Variants in IGF2R observed in about 807,000 individuals in gnomAD.
IGF2R encodes insulin like growth factor 2 receptor.
A neutral mutation model predicts 270.6 loss-of-function variants in IGF2R; 91 were observed. The observed-to-expected ratio is 0.34, with a 90% CI of 0.28 to 0.40. The LOEUF is 0.40. IGF2R is among the 10% of genes least tolerant of loss of function. IGF2R has a pLI of 1.00. For synonymous variants in IGF2R, 1,316 were observed against 1,258.9 expected, an observed-to-expected ratio of 1.05 and a Z score of -0.96; for missense variants, 2,805 against 3,188.3, an observed-to-expected ratio of 0.88 and a Z score of 2.90.
intron 31 of IGF2R, among the ~76,000 whole-genome samples, chr6:160,070,380 G>A (rs1188290570): frequency 6.6e-6 from 1 of 152,166 alleles, no homozygotes; most frequent in Non-Finnish European, 1.5e-5. Context: ...CGGCAGCTTG[G>A]GAAGCACGAG....
In IGF2R at chr6:160,104,686, G is replaced by A. The variant is rs774845928; in HGVS notation, c.7078G>A (p.Glu2360Lys). The A allele has an allele frequency of 7.4e-6, 12 of 1,613,108 alleles. No homozygotes were observed. The highest frequency in any genetic ancestry group is 5.1e-6 in the Non-Finnish European group (6 of 1,179,466). The change falls in exon 48 of 48, where the codon GAA becomes AAA. Residue 2360 changes from glutamate (E) to lysine (K), a missense_variant. Physicochemically the swap from Glu to Lys is moderately conservative, Grantham distance 56 (BLOSUM62 1). Transcript: ENST00000356956. ...TGATCCCTGGCAGGTGAATAAGGAAGAAGAGACAGATGAGAATGAAACAGA... is the reference window on the plus strand; with the variant it reads ...TGATCCCTGGCAGGTGAATAAGGAAAAAGAGACAGATGAGAATGAAACAGA... ...SYKYSKVNKE[E>K]ETDENETEWL...
rs1044213943 is a variant in IGF2R at position 160,045,968 on chromosome 6, G to A, written c.1903+86G>A. 6 of 1,218,324 alleles carry A rather than the reference G, an allele frequency of 4.9e-6. No individual in the cohort carries two copies. The Admixed American group carries it at 1.6e-4, about 33-fold the overall frequency. 75.5% of individuals were successfully genotyped at this position (1,218,324 alleles called of 1,614,324 possible). On this transcript the variant is annotated intron_variant, in intron 14 of 47. Coordinates refer to ENST00000356956, the MANE Select transcript of IGF2R (RefSeq NM_000876.4). The stretch of plus-strand genomic sequence containing the variant: ...TTAACATTCTGTGTGAGGTTTTCAA[G>A]GTGACCCGCCTTAGAATTTTATTCA...
At chr6:160,043,351 G>C in intron 12 of IGF2R, 63 bp downstream of exon 12, 1 of 1,522,348 alleles carries the variant, frequency 6.6e-7, no homozygotes, top group South Asian at 1.2e-5. Flanking sequence ...TTTGGAATGA[G>C]TTAGAAGATC....
chr6:160,015,317 A>G (rs1429322366), intron 4 of IGF2R, among the ~76,000 whole-genome samples: 1 of 152,260 alleles, frequency 6.6e-6, no homozygotes, highest in Non-Finnish European at 1.5e-5. Flanking sequence ...GGAAGAGGTA[A>G]TTAAAATGAT....
intron 35 of IGF2R, chr6:160,074,192 G>T: frequency 3.5e-6 from 2 of 565,046 alleles, no homozygotes; most frequent in Non-Finnish European, 6.3e-6. Context: ...TTTGAGCATG[G>T]GAGGTAACAC....
intron 35 of IGF2R, 83 bp from the exon 36 acceptor site, chr6:160,075,764 C>T (rs1304431957): frequency 1.4e-6 from 2 of 1,452,968 alleles, no homozygotes; most frequent in Admixed American, 1.8e-5. Context: ...CTGGTTTTTG[C>T]AATTCTGTAT....
chr6:160,034,569 A>ATGTGCTTGTGTGTGTGCACAGGCG (rs755109976), intron 10 of IGF2R, 47 bp downstream of exon 10: 2 of 1,244,924 alleles, frequency 1.6e-6, no homozygotes, highest in African/African-American at 3.0e-5. Flanking sequence ...ATTCATGGGC[A>ATGTGCTTGTGTGTGTGCACAGGCG]TGTGCTTGTG....
At chr6:159,970,451 G>T (rs916254412) in intron 1 of IGF2R, among the ~76,000 whole-genome samples, 1 of 151,922 alleles carries the variant, frequency 6.6e-6, no homozygotes, top group Non-Finnish European at 1.5e-5. Context: ...TTTATGGGGG[G>T]GGTTCTTATT....
chr6:160,053,531 G>A (rs1400242404), intron 19 of IGF2R, among the ~76,000 whole-genome samples: 1 of 152,132 alleles, frequency 6.6e-6, no homozygotes, highest in East Asian at 1.9e-4. Context: ...CAGACTGTGT[G>A]GAGTTTGCTC....
At chr6:160,090,218 T>A (rs1050026) in intron 44 of IGF2R, 115 bp downstream of exon 44, 268,056 of 651,030 alleles carry the variant, frequency 0.41, 58,683 homozygotes, top group East Asian at 0.68. Context: ...AACAAAAACC[T>A]TGGTCTAATT....
intron 36 of IGF2R, 132 bp from the exon 37 acceptor site, chr6:160,078,069 C>T: frequency 1.2e-6 from 1 of 816,930 alleles, no homozygotes; most frequent in East Asian, 2.5e-5. Flanking sequence ...CTTTCAGCTG[C>T]TGTTGTCTAG....
intron 45 of IGF2R, among the ~76,000 whole-genome samples, chr6:160,098,165 G>C (rs1273523160): frequency 6.6e-6 from 1 of 152,170 alleles, no homozygotes; most frequent in Admixed American, 6.5e-5. Flanking sequence ...CTTCTGTGTG[G>C]GTTTGAGGGA....
intron 13 of IGF2R, 64 bp downstream of exon 13, chr6:160,044,721 T>G (rs609207): frequency 0.59 from 753,000 of 1,281,282 alleles, 224,042 homozygotes; most frequent in Admixed American, 0.75. Context: ...ATTCTTCATA[T>G]CTCTGTTCCT....
At chr6:160,071,802 T>G (rs1681845366) in intron 31 of IGF2R, 108 bp from the exon 32 acceptor site, 1 of 1,417,658 alleles carries the variant, frequency 7.1e-7, no homozygotes, top group African/African-American at 1.4e-5. Flanking sequence ...GACAGAAATG[T>G]CACATGCTGT....
intron 2 of IGF2R, among the ~76,000 whole-genome samples, chr6:159,996,384 C>T (rs1338650116): frequency 6.6e-6 from 1 of 152,154 alleles, no homozygotes. Flanking sequence ...AGCTCTGTTG[C>T]TTCAGGCAGT....
At chr6:159,975,775 A>ATTATATATAATATATAATATATAG (rs1443672297) in intron 1 of IGF2R, among the ~76,000 whole-genome samples, 38 of 147,472 alleles carry the variant, frequency 2.6e-4, no homozygotes, top group African/African-American at 8.4e-4. Context: ...TTATATATGT[A>ATTATATATAATATATAATATATAG]TTATATATAA....
rs897750440 is a variant in IGF2R at position 160,105,297 on chromosome 6, G to A, written c.*213G>A. ...ATTGGAATAAGGCATGGCTCAGATC[G>A]GCCACAGGGCGGTACCTTGTGCCCA... is the stretch of plus-strand genomic sequence containing the variant. On this transcript the variant is annotated 3_prime_UTR_variant, in exon 48 of 48. Transcript: ENST00000356956. 3 of 538,480 alleles carry A rather than the reference G, an allele frequency of 5.6e-6. No homozygotes were observed. Among genetic ancestry groups the A allele is most frequent in the Admixed American group, 3.5e-5 (1 of 28,432 alleles). 33.4% of individuals were successfully genotyped at this position (538,480 alleles called of 1,614,324 possible).
rs369230559 is a variant in IGF2R at position 160,104,731 on chromosome 6, C to T, written c.7123C>T (p.Gln2375Ter). Residue 2375 changes from glutamine (Q) to a stop codon, truncating the protein, a stop_gained, in exon 48 of 48, where the codon CAG (glutamine) becomes TAG (stop). Coordinates refer to ENST00000356956, the MANE Select transcript of IGF2R (RefSeq NM_000876.4). LOFTEE classifies it low-confidence loss of function (END_TRUNC). ...AACAGAGTGGCTGATGGAAGAGATC[C>T]AGCTGCCTCCTCCACGGCAGGGAAA... is the stretch of plus-strand genomic sequence containing the variant. ...NETEWLMEEI[Q>*]LPPPRQGKEG... 6.2e-7 allele frequency: 1 copy of T among 1,613,890 alleles called. No homozygotes were observed. The highest frequency in any genetic ancestry group is 8.5e-7 in the Non-Finnish European group (1 of 1,180,004).
chr6:159,980,186 AG>A (rs1357338224), intron 1 of IGF2R, among the ~76,000 whole-genome samples: 3 of 26,880 alleles, frequency 1.1e-4, no homozygotes, highest in African/African-American at 6.2e-4. Context: ...GTCTCAAAAA[AG>A]AAAGAAAGAA....
Sources: gnomAD v4.1 joint callset for allele counts (sites outside exome capture counted in the v4.1 genomes callset) on GRCh38, gnomAD v4.1.1 for gene constraint, MANE v1.5 for transcripts, NCBI Gene and HGNC (gene_info 2026-07-23, HGNC 2026-07-21) for gene names.